MCC: variants seen among roughly 807,000 people sequenced by gnomAD.
The protein encoded by MCC is colorectal mutant cancer protein.
A neutral mutation model predicts 116.2 loss-of-function variants in MCC; 90 were observed. The ratio of observed to expected loss-of-function variants is 0.77; its 90% CI spans 0.65 to 0.92. The LOEUF is 0.92. MCC is among the 40% of genes least tolerant of loss of function. MCC has a pLI of 0.00. For missense variants in MCC, 1,516 were observed against 1,312.2 expected (o/e 1.16, Z -2.40); for synonymous variants, 578 against 510.5 (o/e 1.13, Z -1.78).
chr5:113,074,034 G>A (rs28774401), intron 11 of MCC, among the ~76,000 whole-genome samples: 51,440 of 152,072 alleles, frequency 0.34, 8,719 homozygotes, highest in Middle Eastern at 0.39. Flanking sequence ...GAGAGCAGTG[G>A]TTCTCCCACC....
intron 2 of MCC, among the ~76,000 whole-genome samples, chr5:113,371,557 G>C (rs1439633949): frequency 6.6e-6 from 1 of 152,118 alleles, no homozygotes; most frequent in African/African-American, 2.4e-5. Flanking sequence ...CATAAAATGA[G>C]AGCCAAACAA....
intron 3 of MCC, among the ~76,000 whole-genome samples, chr5:113,160,980 A>G (rs1438981522): frequency 2.6e-5 from 4 of 152,206 alleles, no homozygotes; most frequent in Admixed American, 2.6e-4. Context: ...GTGATCTTTA[A>G]AAATTAAAAA....
At chr5:113,236,827 C>T (rs1764152114) in intron 3 of MCC, among the ~76,000 whole-genome samples, 1 of 152,064 alleles carries the variant, frequency 6.6e-6, no homozygotes, top group Non-Finnish European at 1.5e-5. Flanking sequence ...GGGGGACAGG[C>T]GGGGTGGCTA....
At chr5:113,336,433 G>A (rs1451277362) in intron 3 of MCC, among the ~76,000 whole-genome samples, 3 of 151,652 alleles carry the variant, frequency 2.0e-5, no homozygotes, top group Non-Finnish European at 4.4e-5. Context: ...ACACACTGCA[G>A]GAGATAGTGC....
intron 1 of MCC, among the ~76,000 whole-genome samples, chr5:113,466,463 T>C (rs1469752584): frequency 6.6e-6 from 1 of 151,844 alleles, no homozygotes; most frequent in Non-Finnish European, 1.5e-5. Context: ...CATAGTTTGC[T>C]GAGAATGATG....
intron 1 of MCC, among the ~76,000 whole-genome samples, chr5:113,392,549 A>G (rs1769426895): frequency 2.0e-5 from 3 of 152,150 alleles, no homozygotes; most frequent in Admixed American, 1.3e-4. Flanking sequence ...ATACCCTTCA[A>G]CCAGAAATTC....
chr5:113,076,775 C>A (rs1237575965), intron 11 of MCC, among the ~76,000 whole-genome samples: 1 of 152,196 alleles, frequency 6.6e-6, no homozygotes, highest in African/African-American at 2.4e-5. Flanking sequence ...AACCAGCTAA[C>A]ATCATAATGA....
chr5:113,294,454 T>G (rs1766642010), intron 3 of MCC: 1 of 1,610,196 alleles, frequency 6.2e-7, no homozygotes, highest in Non-Finnish European at 8.5e-7. Context: ...CTTCACAGGC[T>G]CAATATCCAC....
chr5:113,418,306 GA>G (rs1373600985), intron 1 of MCC, among the ~76,000 whole-genome samples: 3 of 150,732 alleles, frequency 2.0e-5, no homozygotes, highest in East Asian at 2.0e-4. Flanking sequence ...AGAAAGAAAA[GA>G]AAAAAAGGTG....
At chr5:113,342,138 A>T (rs1178594230) in intron 2 of MCC, among the ~76,000 whole-genome samples, 1 of 152,218 alleles carries the variant, frequency 6.6e-6, no homozygotes, top group Non-Finnish European at 1.5e-5. Context: ...ATGGTCTCCA[A>T]TTCCATCCAG....
intron 1 of MCC, among the ~76,000 whole-genome samples, chr5:113,480,835 G>T (rs1427915233): frequency 6.6e-6 from 1 of 151,952 alleles, no homozygotes; most frequent in Non-Finnish European, 1.5e-5. Context: ...GAGTGCAGTG[G>T]GTATTCACAA....
intron 3 of MCC, among the ~76,000 whole-genome samples, chr5:113,275,966 T>C (rs974557107): frequency 7.5e-6 from 1 of 133,756 alleles, no homozygotes; most frequent in African/African-American, 3.0e-5. Flanking sequence ...ATTTCACTTG[T>C]TTTGTTTTTT....
At chr5:113,353,902 G>C (rs75810350) in intron 2 of MCC, among the ~76,000 whole-genome samples, 4,752 of 152,274 alleles carry the variant, frequency 0.031, 241 homozygotes, top group African/African-American at 0.11. Context: ...ATGGTATGAA[G>C]ACAACTGACA....
chr5:113,384,846 G>A, intron 2 of MCC, 122 bp downstream of exon 2: 1 of 1,141,118 alleles, frequency 8.8e-7, no homozygotes, highest in Non-Finnish European at 1.3e-6. Context: ...AGTGTGGCCA[G>A]GAGGGCAGCC....
intron 1 of MCC, among the ~76,000 whole-genome samples, chr5:113,459,441 G>A (rs1004568783): frequency 6.6e-6 from 1 of 151,902 alleles, no homozygotes; most frequent in Non-Finnish European, 1.5e-5. Context: ...GAGAGGCTGA[G>A]ACAGGACAAT....
rs1306745424 is a variant in MCC, at chr5:113,027,341, C to T, written c.3021G>A (p.Glu1007=). The T allele has an allele frequency of 2.5e-6, 4 of 1,614,178 alleles. No individual in the cohort carries two copies. The highest frequency in any genetic ancestry group is 2.2e-5 in the East Asian group (1 of 44,884). The part of the protein sequence containing the change: ...MLKQRIALLE[E]ENSRPHTNET... ...CATTGGTGTGTGGCCTGGAGTTCTC[C>T]TCCTCTAGCAGAGCTATTCTTTGCT... Residue 1007 remains glutamate (E), a synonymous_variant, in exon 19 of 19, where the codon GAG becomes GAA. Transcript: ENST00000408903.
chr5:113,069,622 G>A (rs1753888504), intron 12 of MCC, among the ~76,000 whole-genome samples: 1 of 152,214 alleles, frequency 6.6e-6, no homozygotes, highest in African/African-American at 2.4e-5. Flanking sequence ...AGGCTGGAGT[G>A]CAGTGGCACG....
intron 1 of MCC, among the ~76,000 whole-genome samples, chr5:113,439,197 G>A (rs963864618): frequency 9.2e-5 from 14 of 152,334 alleles, no homozygotes; most frequent in Admixed American, 8.5e-4. Flanking sequence ...GACCAGTTAG[G>A]CAGGCCAAAG....
chr5:113,117,463 A>G (rs1209684569), intron 6 of MCC, among the ~76,000 whole-genome samples: 1 of 152,246 alleles, frequency 6.6e-6, no homozygotes, highest in Non-Finnish European at 1.5e-5. Flanking sequence ...TTTCAACCCT[A>G]AGGGTATAAA....
Sources: allele counts gnomAD v4.1 joint callset (sites outside exome capture counted in the v4.1 genomes callset), GRCh38; gene constraint gnomAD v4.1.1; transcripts MANE v1.5; gene names NCBI Gene and HGNC (gene_info 2026-07-23, HGNC 2026-07-21).